DYM: variants seen among roughly 807,000 people sequenced by gnomAD.
DYM encodes the protein dyggve-Melchior-Clausen syndrome protein.
Under a neutral mutation model 93.1 loss-of-function variants are expected in DYM, and 78 were observed. The observed-to-expected ratio is 0.84, with a 90% CI of 0.70 to 1.01. The LOEUF is 1.01. Ranked by LOEUF, DYM falls within the 50% of genes least tolerant of loss-of-function variation. The pLI is 0.00. For synonymous variants in DYM, 321 were observed against 319.7 expected, an observed-to-expected ratio of 1.00 and a Z score of -0.04; for missense variants, 789 against 845.0, an observed-to-expected ratio of 0.93 and a Z score of 0.82.
intron 10 of DYM, among the ~76,000 whole-genome samples, chr18:49,281,477 C>G (rs1457442200): frequency 6.6e-6 from 1 of 152,188 alleles, no homozygotes; most frequent in Non-Finnish European, 1.5e-5. Flanking sequence ...GATTATAAAT[C>G]ATGCTGCTAT....
chr18:49,212,629 G>A (rs2092833867), intron 13 of DYM, among the ~76,000 whole-genome samples: 1 of 151,822 alleles, frequency 6.6e-6, no homozygotes, highest in Non-Finnish European at 1.5e-5. Flanking sequence ...CCAAATAGCT[G>A]GAACCACAAG....
At chr18:49,242,219 C>T (rs1411126267) in intron 13 of DYM, among the ~76,000 whole-genome samples, 1 of 152,178 alleles carries the variant, frequency 6.6e-6, no homozygotes, top group Non-Finnish European at 1.5e-5. Context: ...TGAGACCAGC[C>T]TGGCCAACAT....
intron 14 of DYM, among the ~76,000 whole-genome samples, chr18:49,173,501 C>T (rs1884696264): frequency 6.6e-6 from 1 of 152,020 alleles, no homozygotes; most frequent in Non-Finnish European, 1.5e-5. Flanking sequence ...TGTACCAGGT[C>T]TTGAATGTAT....
intron 6 of DYM, among the ~76,000 whole-genome samples, chr18:49,350,970 A>T (rs1239888856): frequency 1.3e-5 from 2 of 152,172 alleles, no homozygotes; most frequent in Non-Finnish European, 2.9e-5. Context: ...GAATTTTTTT[A>T]AAAGATGTAA....
intron 2 of DYM, among the ~76,000 whole-genome samples, chr18:49,414,525 C>T (rs2072676754): frequency 2.0e-5 from 3 of 152,140 alleles, no homozygotes; most frequent in Admixed American, 2.0e-4. Flanking sequence ...AGATCTTTCA[C>T]ACAGCCAAGT....
chr18:49,367,876 AT>A (rs1330754474), intron 5 of DYM, among the ~76,000 whole-genome samples: 6 of 149,820 alleles, frequency 4.0e-5, no homozygotes, highest in Non-Finnish European at 8.9e-5. Flanking sequence ...TGGAAGACAC[AT>A]AATTAAATTA....
At chr18:49,117,780 C>G (rs1359495908) in intron 16 of DYM, among the ~76,000 whole-genome samples, 1 of 152,120 alleles carries the variant, frequency 6.6e-6, no homozygotes, top group Non-Finnish European at 1.5e-5. Flanking sequence ...TGGGAACTGC[C>G]TTCAGTGCTC....
intron 17 of DYM, among the ~76,000 whole-genome samples, chr18:49,092,762 G>A (rs2079165500): frequency 6.6e-6 from 1 of 152,126 alleles, no homozygotes; most frequent in South Asian, 2.1e-4. Context: ...AGCAAATCTG[G>A]GGACAGAAGG....
At chr18:49,052,895 G>C (rs2075141877) in intron 17 of DYM, among the ~76,000 whole-genome samples, 1 of 152,216 alleles carries the variant, frequency 6.6e-6, no homozygotes, top group Admixed American at 6.5e-5. Flanking sequence ...GGCTGGCACA[G>C]GGCAGGGCAC....
At chr18:49,051,500 C>T (rs1462937411) in intron 17 of DYM, among the ~76,000 whole-genome samples, 1 of 152,214 alleles carries the variant, frequency 6.6e-6, no homozygotes, top group Non-Finnish European at 1.5e-5. Context: ...CCTGCCATGC[C>T]TCTAGGCTCT....
At chr18:49,145,225 C>T (rs1045044649) in intron 15 of DYM, among the ~76,000 whole-genome samples, 5 of 148,582 alleles carry the variant, frequency 3.4e-5, no homozygotes, top group East Asian at 2.0e-4. Context: ...ATTAAACTCA[C>T]ATTACACCCG....
rs11334011 is a variant in DYM at position 49,257,858 on chromosome 18, C to CA, written c.1365+521dup. On this transcript the variant is annotated intron_variant, in intron 12 of 17. Transcript: ENST00000675505. ...GAAGGGCAGTGGCACAATCGTAGCT[C>CA]AAAAAAAAAAAAATGCCATTTCTCT... 5.5e-3 allele frequency among the ~76,000 whole-genome samples: 651 copies of CA among 119,040 alleles called. 2 individuals are homozygous for CA. The highest frequency in any genetic ancestry group is 0.01 in the African/African-American group (337 of 33,036). The allele number at this position is 119,040 out of a possible 152,430, so 78.1% of individuals were successfully genotyped here.
At chr18:49,383,126 G>T (rs1026498173) in intron 3 of DYM, among the ~76,000 whole-genome samples, 1 of 152,112 alleles carries the variant, frequency 6.6e-6, no homozygotes, top group African/African-American at 2.4e-5. Context: ...GAAAAAGACA[G>T]ATGAAAAGGG....
chr18:49,058,257 G>A (rs1260825781), intron 17 of DYM, among the ~76,000 whole-genome samples: 2 of 151,810 alleles, frequency 1.3e-5, no homozygotes, highest in Non-Finnish European at 2.9e-5. Flanking sequence ...TTAAGAGCAA[G>A]CACTCATATT....
At chr18:49,278,093 A>G (rs980582832) in intron 10 of DYM, among the ~76,000 whole-genome samples, 1 of 152,188 alleles carries the variant, frequency 6.6e-6, no homozygotes, top group African/African-American at 2.4e-5. Flanking sequence ...CTAAAAAAAA[A>G]TTTTCCTTTT....
intron 8 of DYM, among the ~76,000 whole-genome samples, chr18:49,323,499 T>C (rs971448160): frequency 2.6e-5 from 4 of 152,178 alleles, no homozygotes; most frequent in Non-Finnish European, 4.4e-5. Flanking sequence ...GGTGGAGCTT[T>C]GGAAGGTGAT....
At chr18:49,242,778 CAAG>C (rs1302317906) in intron 13 of DYM, among the ~76,000 whole-genome samples, 1 of 152,196 alleles carries the variant, frequency 6.6e-6, no homozygotes, top group African/African-American at 2.4e-5. Flanking sequence ...TGGCTCACTG[CAAG>C]CTCCGCCTCT....
intron 1 of DYM, among the ~76,000 whole-genome samples, chr18:49,454,907 CAAAAAAAAAAAA>C (rs35671085): frequency 1.4e-4 from 10 of 73,230 alleles, no homozygotes; most frequent in Middle Eastern, 0.015. Flanking sequence ...GACTCTGTCT[CAAAAAAAAAAAA>C]AAAAAAAAAA....
intron 10 of DYM, among the ~76,000 whole-genome samples, chr18:49,276,177 A>AC (rs2094842474): frequency 6.6e-6 from 1 of 152,172 alleles, no homozygotes; most frequent in South Asian, 2.1e-4. Context: ...ACAGTGTTTT[A>AC]CCATTAAATA....
Sources: gnomAD v4.1 joint callset for allele counts (sites outside exome capture counted in the v4.1 genomes callset) on GRCh38, gnomAD v4.1.1 for gene constraint, MANE v1.5 for transcripts, NCBI Gene and HGNC (gene_info 2026-07-23, HGNC 2026-07-21) for gene names.